STK40: variants seen among roughly 807,000 people sequenced by gnomAD.
STK40 encodes serine/threonine-protein kinase 40.
Under a neutral mutation model 47.9 loss-of-function variants are expected in STK40, and 13 were observed. The observed-to-expected ratio is 0.27, with a 90% confidence interval of 0.18 to 0.43. The LOEUF (loss-of-function observed/expected upper bound fraction) is 0.43, where lower values mean the gene tolerates loss of function less well. Among genes scored for constraint, STK40 ranks in the 20% least tolerant of loss-of-function variants. The pLI is 1.00. For synonymous variants in STK40, 225 were observed against 243.2 expected (o/e 0.93, Z 0.69); for missense variants, 460 against 595.1 (o/e 0.77, Z 2.36).
At chr1:36,347,158 T>C (rs1461563330) in intron 7 of STK40, among the ~76,000 whole-genome samples, 3 of 151,848 alleles carry the variant, frequency 2.0e-5, no homozygotes, top group African/African-American at 7.3e-5. Context: ...GAGTTGTAAG[T>C]GCTTGTATTA....
At chr1:36,375,368 A>G (rs1646982735) in intron 1 of STK40, among the ~76,000 whole-genome samples, 1 of 151,960 alleles carries the variant, frequency 6.6e-6, no homozygotes, top group Admixed American at 6.6e-5. Flanking sequence ...TTAGCTGGGC[A>G]TGGTGGTGGG....
At chr1:36,369,222 A>T (rs1256042274) in intron 1 of STK40, among the ~76,000 whole-genome samples, 4 of 152,178 alleles carry the variant, frequency 2.6e-5, no homozygotes, top group Non-Finnish European at 5.9e-5. Flanking sequence ...GTCTTTCTGT[A>T]GTGCAGCTTC....
At chr1:36,375,195 G>A (rs1211556462) in intron 1 of STK40, among the ~76,000 whole-genome samples, 1 of 152,172 alleles carries the variant, frequency 6.6e-6, no homozygotes, top group Non-Finnish European at 1.5e-5. Context: ...GGAGGCACTA[G>A]ACGCTTAACT....
chr1:36,367,874 CCAG>C, intron 1 of STK40: 1 of 985,516 alleles, frequency 1.0e-6, no homozygotes. Flanking sequence ...AAGGGACTGT[CCAG>C]GATGAAGAGT....
intron 1 of STK40, among the ~76,000 whole-genome samples, chr1:36,374,066 T>C (rs190406201): frequency 6.6e-6 from 1 of 152,348 alleles, no homozygotes; most frequent in Admixed American, 6.5e-5. Context: ...TCAGCAGGAC[T>C]CCAATGTGCT....
intron 1 of STK40, among the ~76,000 whole-genome samples, chr1:36,373,626 G>T (rs931962799): frequency 6.6e-6 from 1 of 152,186 alleles, no homozygotes; most frequent in Non-Finnish European, 1.5e-5. Context: ...GGCGGATAGA[G>T]AGGAGGATTA....
chr1:36,355,239 G>A lies in STK40; in HGVS notation c.537C>T (p.Tyr179=), dbSNP rs375891919. 6.1e-5 allele frequency: 99 copies of A among 1,613,960 alleles called. No homozygotes were observed. The highest frequency in any genetic ancestry group is 7.9e-5 in the Non-Finnish European group (93 of 1,180,050). ...GGGCCTCCACCACGCGGACCACGTC[G>A]TAGAAGATTACCACAGTCTCCCTCT... ...LSERETVVIF[Y]DVVRVVEALH... is the part of the protein sequence containing the mutation. Residue 179 remains tyrosine, a synonymous_variant, in exon 5 of 11, where the codon TAC becomes TAT. Transcript: ENST00000373132.
intron 1 of STK40, among the ~76,000 whole-genome samples, chr1:36,373,560 G>A (rs555225197): frequency 2.6e-5 from 4 of 152,204 alleles, no homozygotes; most frequent in African/African-American, 9.6e-5. Context: ...ATCTCCTTAG[G>A]AACCCATTGG....
rs893225970 is a variant in STK40, at chr1:36,354,276, GAGGACACTTC to G, written c.623+78_623+87del. 7 of 1,433,340 alleles carry G rather than the reference GAGGACACTTC, an allele frequency of 4.9e-6. No individual in the cohort carries two copies. The African/African-American group carries it at 9.8e-5, about 20-fold the overall frequency. 88.8% of individuals were successfully genotyped at this position (1,433,340 alleles called of 1,614,324 possible). On this transcript the variant is annotated intron_variant, in intron 6 of 10. Coordinates refer to ENST00000373132, the MANE Select transcript of STK40 (RefSeq NM_001282547.2). ...GGTTGTTTTGAGTCGGAATCCTCAT[GAGGACACTTC>G]AGGGCACTGGAGAGTTGCAATGTGT...
chr1:36,348,158 C>T (rs1646720834), intron 7 of STK40, among the ~76,000 whole-genome samples: 1 of 152,242 alleles, frequency 6.6e-6, no homozygotes, highest in Non-Finnish European at 1.5e-5. Context: ...CTCACAGCAG[C>T]ACACTCAGTT....
intron 7 of STK40, among the ~76,000 whole-genome samples, chr1:36,347,814 G>A (rs760654451): frequency 1.3e-4 from 19 of 151,972 alleles, no homozygotes; most frequent in African/African-American, 4.1e-4. Context: ...CACCACGCCC[G>A]GCTAATTTCT....
chr1:36,370,598 G>A (rs1394038741), intron 1 of STK40, among the ~76,000 whole-genome samples: 2 of 152,186 alleles, frequency 1.3e-5, no homozygotes, highest in East Asian at 3.8e-4. Context: ...CACACTAGGT[G>A]GCTGCCAGGT....
In STK40 at chr1:36,343,456, G is replaced by A; in HGVS notation, c.1005-8C>T. ...AGAGATGACAGGGACTGCCTGCAGG[G>A]AGGCAGACAGGTCAGGCTGGCCCCA... On this transcript the variant is annotated splice_polypyrimidine_tract_variant and splice_region_variant and intron_variant, in intron 9 of 10. Coordinates refer to ENST00000373132, the MANE Select transcript of STK40 (RefSeq NM_001282547.2). 6.2e-7 allele frequency: 1 copy of A among 1,611,686 alleles called. No individual in the cohort carries two copies. The highest frequency in any genetic ancestry group is 8.5e-7 in the Non-Finnish European group (1 of 1,178,648).
At chr1:36,344,412 T>G in intron 7 of STK40, 148 bp from the exon 8 acceptor site, 2 of 1,009,296 alleles carry the variant, frequency 2.0e-6, no homozygotes, top group Non-Finnish European at 1.4e-6. Context: ...TGCTCCCCGC[T>G]CCCCTGTTCC....
In STK40 at chr1:36,355,556, T is replaced by C. The variant is rs139850104; in HGVS notation, c.343-123A>G. 1.4e-4 allele frequency: 144 copies of C among 1,060,434 alleles called. 1 individual carries two copies. In the African/African-American group the frequency reaches 2.1e-3, roughly 15 times the overall value. The allele number at this position is 1,060,434 out of a possible 1,614,324, so 65.7% of individuals were successfully genotyped here. ...TGAGGGAGCCTGGAATTAGCCTGCA[T>C]GTGCGGGCCAGAGAGGACTGAGGCC... On this transcript the variant is annotated intron_variant, in intron 4 of 10. Transcript: ENST00000373132.
At chr1:36,353,932 T>A (rs763833862) in intron 6 of STK40, among the ~76,000 whole-genome samples, 10 of 152,270 alleles carry the variant, frequency 6.6e-5, no homozygotes, top group Non-Finnish European at 8.8e-5. Context: ...ATTCAAAAAA[T>A]ATATATATTT....
chr1:36,373,619 G>A (rs978804055), intron 1 of STK40, among the ~76,000 whole-genome samples: 2 of 152,114 alleles, frequency 1.3e-5, no homozygotes, highest in South Asian at 4.1e-4. Context: ...CTGGGGAGGC[G>A]GATAGAGAGG....
At chr1:36,381,466 C>T (rs1269310867) in intron 1 of STK40, among the ~76,000 whole-genome samples, 1 of 152,078 alleles carries the variant, frequency 6.6e-6, no homozygotes, top group Non-Finnish European at 1.5e-5. Flanking sequence ...AAACTCTATT[C>T]ATTCTTCACG....
chr1:36,351,532 A>G (rs1413830900), intron 6 of STK40, among the ~76,000 whole-genome samples: 1 of 152,070 alleles, frequency 6.6e-6, no homozygotes, highest in East Asian at 1.9e-4. Flanking sequence ...AGCGCCCATG[A>G]CTCAAGTAAA....
Sources: gnomAD v4.1 joint callset for allele counts (sites outside exome capture counted in the v4.1 genomes callset) on GRCh38, gnomAD v4.1.1 for gene constraint, MANE v1.5 for transcripts, NCBI Gene and HGNC (gene_info 2026-07-23, HGNC 2026-07-21) for gene names.